Variants in NUP133 observed in about 807,000 individuals in gnomAD.
NUP133 encodes nuclear pore complex protein Nup133.
Under a neutral mutation model 146.2 loss-of-function variants are expected in NUP133, and 66 were observed. The observed-to-expected ratio is 0.45, with a 90% CI of 0.37 to 0.55. NUP133 has a LOEUF of 0.55. Ranked by LOEUF, NUP133 falls within the 20% of genes least tolerant of loss-of-function variation. The pLI is 0.00. For missense variants in NUP133, 1,277 were observed against 1,374.8 expected (o/e 0.93, Z 1.12); for synonymous variants, 521 against 498.8 (o/e 1.04, Z -0.59).
intron 19 of NUP133, among the ~76,000 whole-genome samples, chr1:229,462,267 A>T (rs1383594158): frequency 1.3e-5 from 2 of 152,242 alleles, no homozygotes; most frequent in African/African-American, 2.4e-5. Context: ...TAGAATATTT[A>T]ATGACATGAA....
chr1:229,462,967 T>C (rs1331612546), intron 19 of NUP133, among the ~76,000 whole-genome samples: 3 of 152,248 alleles, frequency 2.0e-5, no homozygotes, highest in South Asian at 2.1e-4. Flanking sequence ...GAGTATCTTC[T>C]ATACAATTTT....
intron 9 of NUP133, among the ~76,000 whole-genome samples, chr1:229,489,363 T>C (rs772180389): frequency 2.0e-5 from 3 of 152,188 alleles, no homozygotes; most frequent in Non-Finnish European, 4.4e-5. Context: ...ATCAATACCT[T>C]CTTTCTACCT....
At chr1:229,482,700 A>G (rs1396919467) in intron 12 of NUP133, among the ~76,000 whole-genome samples, 1 of 152,188 alleles carries the variant, frequency 6.6e-6, no homozygotes, top group East Asian at 1.9e-4. Flanking sequence ...CCATACGCGC[A>G]TCTGCTTAGG....
At chr1:229,485,222 T>C (rs986303239) in intron 11 of NUP133, among the ~76,000 whole-genome samples, 3 of 152,096 alleles carry the variant, frequency 2.0e-5, no homozygotes, top group Non-Finnish European at 2.9e-5. Context: ...CAAAGGAAGA[T>C]AGAAAGCAGA....
rs1192670337 is a variant in NUP133, at chr1:229,441,631, C to T, written c.*273G>A. 2 of 375,038 alleles carry T rather than the reference C, an allele frequency of 5.3e-6. No individual in the cohort carries two copies. The highest frequency in any genetic ancestry group is 1.0e-5 in the Non-Finnish European group (2 of 197,084). 23.2% of individuals were successfully genotyped at this position (375,038 alleles called of 1,614,324 possible). A position where few individuals can be genotyped will look rare whatever the true frequency, so the allele number is the denominator to read the frequency against. On this transcript the variant is annotated 3_prime_UTR_variant, in exon 26 of 26. Coordinates refer to ENST00000261396, the MANE Select transcript of NUP133 (RefSeq NM_018230.3). ...TGAGCAGCTAGAACCAGGACAAGAA[C>T]TCCAGAACCTGGGACCACGTGAGAG...
intron 2 of NUP133, among the ~76,000 whole-genome samples, chr1:229,503,327 G>A (rs1215723602): frequency 2.0e-5 from 3 of 151,972 alleles, no homozygotes; most frequent in Non-Finnish European, 2.9e-5. Flanking sequence ...TAATTATATC[G>A]ATAAAGTAAA....
chr1:229,454,276 A>G (rs1389278764), intron 21 of NUP133, among the ~76,000 whole-genome samples: 1 of 152,210 alleles, frequency 6.6e-6, no homozygotes, highest in African/African-American at 2.4e-5. Flanking sequence ...GCTGAGTTGC[A>G]GGAAAGGGTG....
In NUP133 at chr1:229,498,122, T is replaced by C. The variant is rs762973540; in HGVS notation, c.819+14A>G. The C allele has an allele frequency of 3.9e-6, 6 of 1,538,198 alleles. No individual in the cohort carries two copies. The highest frequency in any genetic ancestry group is 4.4e-6 in the Non-Finnish European group (5 of 1,140,732). The stretch of plus-strand genomic sequence containing the variant: ...AAGAAATAAGCTTGTAAAATAGTTA[T>C]TTTATAAACTTACTGTGAGATCACT... On this transcript the variant is annotated intron_variant, in intron 6 of 25. Coordinates refer to ENST00000261396, the MANE Select transcript of NUP133 (RefSeq NM_018230.3).
At chr1:229,465,119 T>G (rs536109602) in intron 17 of NUP133, among the ~76,000 whole-genome samples, 27 of 152,332 alleles carry the variant, frequency 1.8e-4, no homozygotes, top group Admixed American at 5.9e-4. Flanking sequence ...CCACTTACTT[T>G]CTTGTATTAA....
chr1:229,447,556 TAATTA>T (rs1660328614), intron 24 of NUP133, among the ~76,000 whole-genome samples: 1 of 151,970 alleles, frequency 6.6e-6, no homozygotes, highest in Non-Finnish European at 1.5e-5. Flanking sequence ...AGAAAAAGCA[TAATTA>T]GAGTTGGGAC....
intron 8 of NUP133, among the ~76,000 whole-genome samples, chr1:229,492,796 T>C (rs1299056709): frequency 6.6e-6 from 1 of 151,928 alleles, no homozygotes; most frequent in East Asian, 1.9e-4. Flanking sequence ...TATAAAAGAC[T>C]ACATATTGGA....
At chr1:229,475,775 C>T (rs1661060272) in intron 13 of NUP133, 43 bp from the exon 14 acceptor site, 1 of 1,455,048 alleles carries the variant, frequency 6.9e-7, no homozygotes, top group Non-Finnish European at 9.7e-7. Context: ...AGTGGTTTTA[C>T]AACTATACTA....
At chr1:229,502,513 C>T (rs545122854) in intron 2 of NUP133, among the ~76,000 whole-genome samples, 17 of 135,212 alleles carry the variant, frequency 1.3e-4, no homozygotes, top group African/African-American at 4.6e-4. Flanking sequence ...GAGCCGAGAT[C>T]GTGCCACTGC....
At chr1:229,479,156 G>A (rs1661148033) in intron 12 of NUP133, among the ~76,000 whole-genome samples, 1 of 152,126 alleles carries the variant, frequency 6.6e-6, no homozygotes, top group African/African-American at 2.4e-5. Flanking sequence ...ATTAGTTACA[G>A]GACCCCCAAC....
chr1:229,507,866 G>A, intron 1 of NUP133: 1 of 970,212 alleles, frequency 1.0e-6, no homozygotes, highest in African/African-American at 1.8e-5. Flanking sequence ...CATGAAAAAT[G>A]CAAAGTGGGG....
At chr1:229,496,599 A>G (rs2102782441) in intron 6 of NUP133, among the ~76,000 whole-genome samples, 1 of 152,362 alleles carries the variant, frequency 6.6e-6, no homozygotes, top group East Asian at 1.9e-4. Flanking sequence ...AAGGTGGGAA[A>G]GTTACAGCGT....
At chr1:229,450,470 C>A in intron 23 of NUP133, 55 bp downstream of exon 23, 1 of 888,450 alleles carries the variant, frequency 1.1e-6, no homozygotes, top group South Asian at 1.7e-5. Flanking sequence ...AGGGATCTCC[C>A]TCTTTTTATA....
chr1:229,462,456 A>G (rs1403683022), intron 19 of NUP133, among the ~76,000 whole-genome samples: 7 of 152,224 alleles, frequency 4.6e-5, no homozygotes, highest in Non-Finnish European at 8.8e-5. Context: ...TTTATACAAT[A>G]TCACTTTTAC....
chr1:229,460,616 C>G lies in NUP133; in HGVS notation c.2839G>C (p.Glu947Gln), dbSNP rs1660672041. The G allele has an allele frequency of 3.1e-6, 5 of 1,612,086 alleles. No homozygotes were observed. Among genetic ancestry groups the G allele is most frequent in the Non-Finnish European group, 4.2e-6 (5 of 1,179,454 alleles). ...WLHEINSQEL[E>Q]KAHATLLGLA... is the part of the protein sequence containing the mutation. ...CATAGAAAAATCCTTCTTACCTTTT[C>G]TAATTCTTGGCTATTAATTTCATGT... The change falls in exon 20 of 26, where the codon GAA becomes CAA. Residue 947 changes from glutamate to glutamine, a missense_variant. Around this residue, in one of 3 missense-constraint regions of NUP133, gnomAD observed 952 missense variants for 1,047.0 expected, o/e 0.91. Transcript: ENST00000261396.
Sources: allele counts gnomAD v4.1 joint callset (sites outside exome capture counted in the v4.1 genomes callset), GRCh38; gene constraint gnomAD v4.1.1; regional missense constraint gnomAD v4.1.1; transcripts MANE v1.5; gene names NCBI Gene and HGNC (gene_info 2026-07-23, HGNC 2026-07-21).